The following SLC30A8 variants were observed in gnomAD, a reference collection of about 807,000 sequenced individuals.
The protein encoded by SLC30A8 is proton-coupled zinc antiporter SLC30A8.
Under a neutral mutation model 36.9 loss-of-function variants are expected in SLC30A8, and 27 were observed. That is an observed-to-expected ratio of 0.73 (90% confidence interval 0.54 to 1.01). The LOEUF is 1.01. Among genes scored for constraint, SLC30A8 ranks in the 50% least tolerant of loss-of-function variants. The pLI is 0.00. For synonymous variants in SLC30A8, 164 were observed against 172.4 expected (o/e 0.95, Z 0.38); for missense variants, 439 against 452.0 (o/e 0.97, Z 0.26).
intron 1 of SLC30A8, among the ~76,000 whole-genome samples, chr8:116,964,396 A>G (rs1306235185): frequency 1.3e-5 from 2 of 152,220 alleles, no homozygotes; most frequent in Admixed American, 6.5e-5. Flanking sequence ...AGACTTCCAC[A>G]ATGGTTCCTG....
chr8:117,097,408 A>T (rs1819425913), intron 2 of SLC30A8, among the ~76,000 whole-genome samples: 1 of 123,080 alleles, frequency 8.1e-6, no homozygotes, highest in African/African-American at 3.3e-5. Context: ...AAAAAAAAAA[A>T]AAAAAAAAAA....
intron 2 of SLC30A8, among the ~76,000 whole-genome samples, chr8:117,060,105 G>C (rs2130784361): frequency 6.6e-6 from 1 of 152,218 alleles, no homozygotes; most frequent in African/African-American, 2.4e-5. Context: ...TAATGAGTTT[G>C]GAGTGAAAGT....
At chr8:117,167,496 T>TATATATATATATAC (rs1403884282) in intron 6 of SLC30A8, among the ~76,000 whole-genome samples, 1 of 140,510 alleles carries the variant, frequency 7.1e-6, no homozygotes, top group African/African-American at 3.0e-5. Context: ...TATATATACA[T>TATATATATATATAC]ACATACATGT....
intron 7 of SLC30A8, among the ~76,000 whole-genome samples, chr8:117,171,654 G>A (rs981938085): frequency 3.3e-5 from 5 of 152,066 alleles, no homozygotes; most frequent in East Asian, 1.9e-4. Context: ...GTCCCACACT[G>A]TATGATTAGA....
upstream of SLC30A8, among the ~76,000 whole-genome samples, chr8:117,130,628 T>G (rs71530859): frequency 2.0e-5 from 3 of 152,146 alleles, no homozygotes; most frequent in Non-Finnish European, 4.4e-5. Flanking sequence ...TATTTTTGTC[T>G]ACTTTTCTAT....
chr8:117,129,248 C>G (rs1421605887), intron 2 of SLC30A8, among the ~76,000 whole-genome samples: 1 of 151,996 alleles, frequency 6.6e-6, no homozygotes, highest in Middle Eastern at 3.2e-3. Flanking sequence ...TGTGCTCAAA[C>G]TTTAGGACTA....
chr8:117,081,120 G>A (rs981943156), intron 2 of SLC30A8, among the ~76,000 whole-genome samples: 1 of 152,094 alleles, frequency 6.6e-6, no homozygotes, highest in Non-Finnish European at 1.5e-5. Context: ...GATATCATGG[G>A]TGACAAACTG....
At chr8:116,954,326 G>A (rs777018598) in intron 1 of SLC30A8, among the ~76,000 whole-genome samples, 1 of 152,074 alleles carries the variant, frequency 6.6e-6, no homozygotes, top group Non-Finnish European at 1.5e-5. Flanking sequence ...ATATTAAATG[G>A]CATTTGAAAC....
intron 2 of SLC30A8, among the ~76,000 whole-genome samples, chr8:117,151,370 T>A (rs1822181700): frequency 6.6e-6 from 1 of 152,216 alleles, no homozygotes; most frequent in African/African-American, 2.4e-5. Flanking sequence ...AAATATTGGC[T>A]GGATAATTGA....
chr8:117,097,687 ATATATAAT>A (rs1476889119), intron 2 of SLC30A8, among the ~76,000 whole-genome samples: 2 of 26,136 alleles, frequency 7.7e-5, no homozygotes, highest in Non-Finnish European at 9.7e-5. Context: ...AATATATATT[ATATATAAT>A]ATATATAATT....
chr8:117,063,282 A>T (rs967819427), intron 2 of SLC30A8, among the ~76,000 whole-genome samples: 1 of 152,014 alleles, frequency 6.6e-6, no homozygotes, highest in African/African-American at 2.4e-5. Context: ...TTATCGGGGA[A>T]ATTATGGTCC....
chr8:116,989,820 C>G (rs1345277859), intron 1 of SLC30A8, among the ~76,000 whole-genome samples: 1 of 152,182 alleles, frequency 6.6e-6, no homozygotes, highest in Admixed American at 6.5e-5. Context: ...TCTTCCTGGG[C>G]CCAATGGTCA....
Position 117,100,379 on chromosome 8 carries a change from G to T in SLC30A8, c.-225-34901G>T, listed in dbSNP as rs552684403. Reference sequence around the variant, plus strand: ...CCATAAAAGTATTTTGAGCACCTTGGGGGAGGTATTCAAATCTTAATCTGT... The same window carrying T: ...CCATAAAAGTATTTTGAGCACCTTGTGGGAGGTATTCAAATCTTAATCTGT... On this transcript the variant is annotated intron_variant, in intron 2 of 10. Coordinates refer to the SLC30A8 transcript ENST00000427715. Among the ~76,000 whole-genome samples, 25 of 152,240 alleles carry T rather than the reference G, an allele frequency of 1.6e-4. No individual in the cohort carries two copies. The South Asian group carries it at 5.2e-3, about 32-fold the overall frequency.
chr8:116,991,843 A>G (rs1815654897), intron 1 of SLC30A8, among the ~76,000 whole-genome samples: 1 of 152,182 alleles, frequency 6.6e-6, no homozygotes, highest in South Asian at 2.1e-4. Flanking sequence ...CTAAGGAATC[A>G]TGCAAGGGTC....
At chr8:117,150,884 C>T (rs1023405265) in intron 2 of SLC30A8, among the ~76,000 whole-genome samples, 7 of 152,106 alleles carry the variant, frequency 4.6e-5, no homozygotes, top group Admixed American at 1.3e-4. Context: ...AGATTACAGG[C>T]GTGAGCCACC....
rs943677308 is a variant in SLC30A8, at chr8:117,081,244, A to G, written c.-226+41986A>G. Among the ~76,000 whole-genome samples the G allele has an allele frequency of 3.3e-5, 5 of 152,260 alleles. No homozygotes were observed. The East Asian group carries it at 7.7e-4, about 24-fold the overall frequency. On this transcript the variant is annotated intron_variant, in intron 2 of 10. Coordinates refer to the SLC30A8 transcript ENST00000427715. Reference sequence around the variant, plus strand: ...AATGTATTAGTCTACCAAGGCTGCCATAACAAAACACCACAGACTGGGGCG... The same window carrying G: ...AATGTATTAGTCTACCAAGGCTGCCGTAACAAAACACCACAGACTGGGGCG...
intron 2 of SLC30A8, among the ~76,000 whole-genome samples, chr8:117,120,665 A>G (rs1275249509): frequency 6.6e-6 from 1 of 151,852 alleles, no homozygotes; most frequent in Non-Finnish European, 1.5e-5. Context: ...AGAATAAAAA[A>G]GGCTACCTAC....
chr8:117,089,794 C>T (rs759754378), intron 2 of SLC30A8, among the ~76,000 whole-genome samples: 15 of 152,122 alleles, frequency 9.9e-5, no homozygotes, highest in Non-Finnish European at 1.9e-4. Flanking sequence ...GCATGACTTA[C>T]GAAGCTCCAC....
chr8:117,018,874 G>T (rs570124394), intron 1 of SLC30A8, among the ~76,000 whole-genome samples: 104 of 152,148 alleles, frequency 6.8e-4, no homozygotes, highest in African/African-American at 2.4e-3. Context: ...TGTTGGCCAG[G>T]CTGGTCTTGA....
Sources: gnomAD v4.1 joint callset for allele counts (sites outside exome capture counted in the v4.1 genomes callset) on GRCh38, gnomAD v4.1.1 for gene constraint, MANE v1.5 for transcripts, NCBI Gene and HGNC (gene_info 2026-07-23, HGNC 2026-07-21) for gene names.